The following EYS variants were observed in gnomAD, a reference collection of about 807,000 sequenced individuals.
EYS encodes EGF-like photoreceptor maintenance factor.
Under a neutral mutation model 282.1 loss-of-function variants are expected in EYS, and 250 were observed. That is an observed-to-expected ratio of 0.89 (90% CI 0.80 to 0.98). The LOEUF (loss-of-function observed/expected upper bound fraction) is 0.98, where lower values mean the gene tolerates loss of function less well. Ranked by LOEUF, EYS falls within the 50% of genes least tolerant of loss-of-function variation. The pLI is 0.00. For synonymous variants in EYS, 1,355 were observed against 1,282.9 expected, an observed-to-expected ratio of 1.06 and a Z score of -1.20; for missense variants, 4,016 against 3,709.0, an observed-to-expected ratio of 1.08 and a Z score of -2.15.
chr6:64,145,528 C>T (rs1245517397), intron 31 of EYS, among the ~76,000 whole-genome samples: 3 of 152,156 alleles, frequency 2.0e-5, no homozygotes, highest in African/African-American at 7.2e-5. Context: ...TTTAGTTTCA[C>T]ACCCATATAT....
At chr6:64,342,338 G>A (rs1337092504) in intron 29 of EYS, among the ~76,000 whole-genome samples, 1 of 151,768 alleles carries the variant, frequency 6.6e-6, no homozygotes, top group Non-Finnish European at 1.5e-5. Flanking sequence ...ACCCACAAAG[G>A]GAAGCCCATC....
intron 11 of EYS, 187 bp downstream of exon 11, chr6:65,334,793 T>G: frequency 1.8e-6 from 1 of 564,964 alleles, no homozygotes; most frequent in Non-Finnish European, 3.1e-6. Flanking sequence ...GCTAGAATTG[T>G]TATACATAAC....
chr6:63,952,135 G>C (rs543015368), intron 35 of EYS, among the ~76,000 whole-genome samples: 1 of 152,212 alleles, frequency 6.6e-6, no homozygotes, highest in Admixed American at 6.5e-5. Flanking sequence ...AAGCCACAGC[G>C]GTTAAGCATT....
In EYS at chr6:64,330,075, G is replaced by A. The variant is rs551013293; in HGVS notation, c.6079-22993C>T. ...GCTTTCATGCCACCAAGTGACCGCC[G>A]TGTCCTGTTGCAGTATATAGATGAT... On this transcript the variant is annotated intron_variant, in intron 29 of 42. Transcript: ENST00000503581. Among the ~76,000 whole-genome samples the A allele has an allele frequency of 2.7e-4, 41 of 152,244 alleles. No homozygotes were observed. In the South Asian group the frequency reaches 4.4e-3, roughly 16 times the overall value.
chr6:63,947,156 T>G (rs1049544615), intron 35 of EYS, among the ~76,000 whole-genome samples: 1 of 152,090 alleles, frequency 6.6e-6, no homozygotes, highest in Admixed American at 6.5e-5. Flanking sequence ...GAACAAAATG[T>G]TATAATAACA....
chr6:64,937,213 A>T (rs1768937728), intron 15 of EYS, among the ~76,000 whole-genome samples: 1 of 151,542 alleles, frequency 6.6e-6, no homozygotes, highest in Non-Finnish European at 1.5e-5. Context: ...AAAATACAGA[A>T]ATAAAATTAT....
chr6:64,294,376 G>A (rs1181120482), intron 30 of EYS, among the ~76,000 whole-genome samples: 1 of 152,186 alleles, frequency 6.6e-6, no homozygotes, highest in African/African-American at 2.4e-5. Context: ...ATGTGTCACT[G>A]AGCATCAGGC....
At chr6:64,266,532 T>C (rs1767765300) in intron 30 of EYS, among the ~76,000 whole-genome samples, 1 of 152,168 alleles carries the variant, frequency 6.6e-6, no homozygotes, top group South Asian at 2.1e-4. Flanking sequence ...ATGAGTGTTA[T>C]TGAACTGATG....
intron 28 of EYS, among the ~76,000 whole-genome samples, chr6:64,393,431 C>T (rs1773235186): frequency 6.6e-6 from 1 of 152,174 alleles, no homozygotes; most frequent in Admixed American, 6.5e-5. Flanking sequence ...AGCTTATCCA[C>T]CATGATCAAG....
intron 30 of EYS, among the ~76,000 whole-genome samples, chr6:64,283,893 T>TG (rs1332886925): frequency 1.3e-5 from 2 of 151,990 alleles, no homozygotes; most frequent in Admixed American, 6.6e-5. Context: ...AAGAACAGCA[T>TG]GGGGGGAACC....
intron 26 of EYS, among the ~76,000 whole-genome samples, chr6:64,447,096 C>T (rs1238312707): frequency 6.6e-6 from 1 of 151,724 alleles, no homozygotes; most frequent in East Asian, 1.9e-4. Flanking sequence ...GAAAGATTTA[C>T]TATGCTGTTT....
At chr6:65,547,600 CTAATA>C (rs1160919926) in intron 2 of EYS, among the ~76,000 whole-genome samples, 5 of 151,776 alleles carry the variant, frequency 3.3e-5, no homozygotes, top group African/African-American at 1.2e-4. Context: ...TTTGTATTAT[CTAATA>C]TGATAGGCAA....
intron 2 of EYS, among the ~76,000 whole-genome samples, chr6:65,513,448 G>T (rs1339381530): frequency 6.6e-6 from 1 of 152,142 alleles, no homozygotes; most frequent in Non-Finnish European, 1.5e-5. Flanking sequence ...TAGGAGGCCA[G>T]CATCATCCTG....
chr6:64,870,744 T>C (rs2150053929), intron 19 of EYS, among the ~76,000 whole-genome samples: 1 of 151,898 alleles, frequency 6.6e-6, no homozygotes, highest in East Asian at 1.9e-4. Flanking sequence ...ATAGCCTAAA[T>C]AGGAACTAAG....
intron 13 of EYS, among the ~76,000 whole-genome samples, chr6:65,022,821 T>G (rs1167428728): frequency 1.3e-5 from 2 of 151,798 alleles, no homozygotes; most frequent in Non-Finnish European, 2.9e-5. Context: ...CATAAAGACA[T>G]CATTTGTATG....
At chr6:65,407,422 A>G (rs146018125) in intron 5 of EYS, among the ~76,000 whole-genome samples, 1,626 of 151,652 alleles carry the variant, frequency 0.011, 16 homozygotes, top group Admixed American at 0.018. Flanking sequence ...TGCCCAGATA[A>G]TTTTTGTATT....
intron 1 of EYS, among the ~76,000 whole-genome samples, chr6:65,706,499 C>T (rs913954274): frequency 2.1e-5 from 3 of 146,282 alleles, no homozygotes; most frequent in South Asian, 2.1e-4. Flanking sequence ...AACACCTTTA[C>T]GTTTTCTTTT....
chr6:65,679,882 G>C (rs1018352144), intron 1 of EYS, among the ~76,000 whole-genome samples: 3 of 151,814 alleles, frequency 2.0e-5, no homozygotes, highest in Non-Finnish European at 2.9e-5. Flanking sequence ...TTCTCACAAA[G>C]TGTGGTCTGC....
intron 13 of EYS, among the ~76,000 whole-genome samples, chr6:65,004,997 C>T (rs1771594859): frequency 6.7e-6 from 1 of 148,212 alleles, no homozygotes; most frequent in Non-Finnish European, 1.5e-5. Context: ...TATTGGGCAA[C>T]CCCCTTTGGG....
Sources: gnomAD v4.1 joint callset for allele counts (sites outside exome capture counted in the v4.1 genomes callset) on GRCh38, gnomAD v4.1.1 for gene constraint, MANE v1.5 for transcripts, NCBI Gene and HGNC (gene_info 2026-07-23, HGNC 2026-07-21) for gene names.